The following ANKRD18A variants were observed in gnomAD, a reference collection of about 807,000 sequenced individuals.
The protein encoded by ANKRD18A is ankyrin repeat domain-containing protein 18A.
A neutral mutation model predicts 110.6 loss-of-function variants in ANKRD18A; 72 were observed. That is an observed-to-expected ratio of 0.65 (90% CI 0.54 to 0.79). The LOEUF (loss-of-function observed/expected upper bound fraction) is 0.79. Among genes scored for constraint, ANKRD18A ranks in the 30% least tolerant of loss-of-function variants. The pLI is 0.00. For synonymous variants in ANKRD18A, 305 were observed against 410.3 expected, an observed-to-expected ratio of 0.74 and a Z score of 3.10; for missense variants, 934 against 1,163.3, an observed-to-expected ratio of 0.80 and a Z score of 2.87.
In ANKRD18A at chr9:38,591,815, C is replaced by T. The variant is rs186940443; in HGVS notation, c.2004+1945G>A. Among the ~76,000 whole-genome samples the T allele has an allele frequency of 7.4e-4, 113 of 152,240 alleles. 2 individuals are homozygous for T. In the East Asian group the frequency reaches 0.017, roughly 23 times the overall value. On this transcript the variant is annotated intron_variant, in intron 10 of 15. Transcript: ENST00000399703. ...ACCTCCTGGATTGAGTAGTACATAA[C>T]CGACATGACCAGCAGAGACAGGCTG...
chr9:38,602,135 C>T (rs973132378), intron 7 of ANKRD18A, among the ~76,000 whole-genome samples: 17 of 150,176 alleles, frequency 1.1e-4, no homozygotes, highest in Non-Finnish European at 2.2e-4. Context: ...GTCACTTCAC[C>T]ATCTGAGCTG....
chr9:38,619,135 A>G (rs1825975984), intron 1 of ANKRD18A, among the ~76,000 whole-genome samples: 2 of 152,012 alleles, frequency 1.3e-5, no homozygotes, highest in South Asian at 4.1e-4. Context: ...TTGCGAGGTC[A>G]TTCTTACGAA....
intron 12 of ANKRD18A, among the ~76,000 whole-genome samples, chr9:38,580,146 G>A (rs1003834405): frequency 1.3e-5 from 2 of 152,192 alleles, no homozygotes; most frequent in Admixed American, 6.5e-5. Flanking sequence ...GCTGATGCCC[G>A]TAATTTCCTA....
At chr9:38,593,947 CTTA>C in intron 9 of ANKRD18A, 38 bp from the exon 10 acceptor site, 2 of 1,433,866 alleles carry the variant, frequency 1.4e-6, no homozygotes, top group South Asian at 1.7e-5. Context: ...TATAAAGTGG[CTTA>C]TTATTAAATT....
At chr9:38,615,565 T>A in intron 3 of ANKRD18A, 29 bp downstream of exon 3, 1 of 1,537,104 alleles carries the variant, frequency 6.5e-7, no homozygotes, top group Non-Finnish European at 8.7e-7. Flanking sequence ...AAAACAAACA[T>A]TTTGAAAAGA....
At chr9:38,596,694 C>T (rs1024140067) in intron 8 of ANKRD18A, among the ~76,000 whole-genome samples, 1 of 152,076 alleles carries the variant, frequency 6.6e-6, no homozygotes, top group African/African-American at 2.4e-5. Context: ...ACAACAAACT[C>T]AAAGCATAAA....
intron 10 of ANKRD18A, among the ~76,000 whole-genome samples, chr9:38,590,249 T>C (rs1237373950): frequency 6.6e-6 from 1 of 151,836 alleles, no homozygotes; most frequent in African/African-American, 2.4e-5. Context: ...CCATTTTTTC[T>C]TTTTCTTTTT....
chr9:38,577,832 A>G (rs1823966616), intron 13 of ANKRD18A, 35 bp downstream of exon 13: 1 of 1,553,962 alleles, frequency 6.4e-7, no homozygotes, highest in African/African-American at 1.4e-5. Flanking sequence ...ATGAAAGCCC[A>G]TTACAGATAA....
intron 12 of ANKRD18A, among the ~76,000 whole-genome samples, chr9:38,580,592 G>A (rs113655805): frequency 1.3e-5 from 2 of 151,772 alleles, no homozygotes; most frequent in Admixed American, 6.6e-5. Context: ...GATTTTGAAT[G>A]TTCACAATTC....
chr9:38,596,432 A>G, intron 8 of ANKRD18A, 29 bp from the exon 9 acceptor site: 1 of 1,400,226 alleles, frequency 7.1e-7, no homozygotes, highest in East Asian at 2.6e-5. Context: ...ATTTTTAGTT[A>G]GCACTCAATA....
intron 6 of ANKRD18A, among the ~76,000 whole-genome samples, chr9:38,605,126 G>A (rs1563972298): frequency 6.6e-6 from 1 of 152,158 alleles, no homozygotes; most frequent in African/African-American, 2.4e-5. Flanking sequence ...GCTCCCAGAT[G>A]ACATTGGACA....
intron 6 of ANKRD18A, among the ~76,000 whole-genome samples, chr9:38,605,906 C>G (rs1038195196): frequency 6.6e-6 from 1 of 152,124 alleles, no homozygotes; most frequent in African/African-American, 2.4e-5. Flanking sequence ...CCACCACGCC[C>G]AGCCTGGTAA....
chr9:38,576,534 T>C (rs1823903190), intron 14 of ANKRD18A, among the ~76,000 whole-genome samples: 1 of 152,230 alleles, frequency 6.6e-6, no homozygotes, highest in African/African-American at 2.4e-5. Context: ...ATGTAACACC[T>C]TGAAAATGTT....
At chr9:38,589,759 C>T (rs1375317819) in intron 10 of ANKRD18A, among the ~76,000 whole-genome samples, 1 of 152,170 alleles carries the variant, frequency 6.6e-6, no homozygotes, top group Non-Finnish European at 1.5e-5. Flanking sequence ...GTATTGAACT[C>T]CTTACCACAT....
intron 12 of ANKRD18A, among the ~76,000 whole-genome samples, chr9:38,581,668 T>C (rs1221167291): frequency 1.3e-5 from 2 of 152,208 alleles, no homozygotes; most frequent in East Asian, 1.9e-4. Context: ...CATTTTCTCC[T>C]TTACCTTACT....
intron 5 of ANKRD18A, among the ~76,000 whole-genome samples, chr9:38,609,952 A>AG (rs1825535150): frequency 6.6e-6 from 1 of 151,888 alleles, no homozygotes; most frequent in Non-Finnish European, 1.5e-5. Flanking sequence ...AAAAAAAAAA[A>AG]AAAAAGGAAG....
intron 5 of ANKRD18A, among the ~76,000 whole-genome samples, chr9:38,609,614 C>A (rs1008341076): frequency 6.6e-6 from 1 of 151,926 alleles, no homozygotes; most frequent in Non-Finnish European, 1.5e-5. Flanking sequence ...ATTGCAGGAC[C>A]AGTTACAATG....
intron 12 of ANKRD18A, among the ~76,000 whole-genome samples, chr9:38,585,046 A>G (rs2118707687): frequency 6.6e-6 from 1 of 152,352 alleles, no homozygotes; most frequent in African/African-American, 2.4e-5. Context: ...AAATGGCAGT[A>G]CAAAGCTGCC....
At chr9:38,589,628 A>G (rs368775270) in intron 10 of ANKRD18A, among the ~76,000 whole-genome samples, 2 of 152,184 alleles carry the variant, frequency 1.3e-5, no homozygotes, top group African/African-American at 4.8e-5. Flanking sequence ...CTCGATAAAG[A>G]TATCTTCCTG....
Sources: gnomAD v4.1 joint callset for allele counts (sites outside exome capture counted in the v4.1 genomes callset) on GRCh38, gnomAD v4.1.1 for gene constraint, MANE v1.5 for transcripts, NCBI Gene and HGNC (gene_info 2026-07-23, HGNC 2026-07-21) for gene names.